ANKFN1: variants seen among roughly 807,000 people sequenced by gnomAD.
The protein encoded by ANKFN1 is ankyrin repeat and fibronectin type-III domain-containing protein 1.
Under a neutral mutation model 108.7 loss-of-function variants are expected in ANKFN1, and 74 were observed. That is an observed-to-expected ratio of 0.68 (90% confidence interval 0.56 to 0.83). The LOEUF (loss-of-function observed/expected upper bound fraction) is 0.83, where lower values mean the gene tolerates loss of function less well. Among genes scored for constraint, ANKFN1 ranks in the 40% least tolerant of loss-of-function variants. The probability of loss-of-function intolerance (pLI) is 0.00; values close to 1 mark genes in which losing one functional copy is unlikely to be tolerated. For synonymous variants in ANKFN1, 547 were observed against 516.2 expected (o/e 1.06, Z -0.81); for missense variants, 1,505 against 1,382.3 (o/e 1.09, Z -1.41).
intron 18 of ANKFN1, among the ~76,000 whole-genome samples, chr17:56,487,523 G>T (rs1316612573): frequency 6.7e-6 from 1 of 148,394 alleles, no homozygotes; most frequent in African/African-American, 2.5e-5. Context: ...GGACTAGAAA[G>T]ACAAAAAAAA....
chr17:56,286,271 C>G (rs2044214540), intron 3 of ANKFN1, among the ~76,000 whole-genome samples: 1 of 152,118 alleles, frequency 6.6e-6, no homozygotes, highest in South Asian at 2.1e-4. Flanking sequence ...TAGTGTTTCC[C>G]TACATTAGGT....
chr17:56,053,876 T>G (rs1235930312), intron 4 of ANKFN1, among the ~76,000 whole-genome samples: 1 of 152,130 alleles, frequency 6.6e-6, no homozygotes, highest in African/African-American at 2.4e-5. Context: ...TTTAAAAAAA[T>G]TATTTCAATC....
At position 56,466,450 on chromosome 17, in the gene ANKFN1, A is replaced by G; in HGVS notation, c.1652A>G (p.Glu551Gly). ...CTCATAGTCACCATCAGGGAGGTGG[A>G]GATGCTTTATTCATTTTTTAATGGC... ...NILIVTIREV[E>G]MLYSFFNGKW... Residue 551 changes from glutamate to glycine, a missense_variant, in exon 15 of 21, where the codon GAG (glutamate) becomes GGG (glycine). Physicochemically the swap from Glu to Gly is moderately conservative, Grantham distance 98. Coordinates refer to ENST00000682825, the MANE Select transcript of ANKFN1 (RefSeq NM_001370326.1). The G allele has an allele frequency of 1.2e-6, 2 of 1,614,174 alleles. No individual in the cohort carries two copies. The highest frequency in any genetic ancestry group is 1.7e-6 in the Non-Finnish European group (2 of 1,180,018).
intron 8 of ANKFN1, among the ~76,000 whole-genome samples, chr17:56,383,582 G>A (rs945870895): frequency 2.6e-5 from 4 of 152,204 alleles, no homozygotes; most frequent in African/African-American, 9.6e-5. Flanking sequence ...TAGACCACTA[G>A]CAAGACTAAT....
chr17:56,159,095 GGAAGAAGAAGTA>G (rs1909395734), intron 1 of ANKFN1, among the ~76,000 whole-genome samples: 1 of 150,948 alleles, frequency 6.6e-6, no homozygotes, highest in Non-Finnish European at 1.5e-5. Context: ...AGGAGGAGGA[GGAAGAAGAAGTA>G]GAAGAAGAGG....
rs75074040 is a variant in ANKFN1, at chr17:56,114,663, A to G, written c.288+68338A>G. ...CAAAAATAGCCATGTCTTAATCCCC[A>G]GAGCCTGTGAATTCACTGGGTCACA... On this transcript the variant is annotated intron_variant, in intron 4 of 12. Coordinates refer to the ANKFN1 transcript ENST00000635860. Among the ~76,000 whole-genome samples, 8 of 152,320 alleles carry G rather than the reference A, an allele frequency of 5.3e-5. No homozygotes were observed. In the East Asian group the frequency reaches 1.5e-3, roughly 29 times the overall value.
At chr17:56,200,331 A>G (rs1008132202) in intron 1 of ANKFN1, among the ~76,000 whole-genome samples, 1 of 152,228 alleles carries the variant, frequency 6.6e-6, no homozygotes, top group African/African-American at 2.4e-5. Flanking sequence ...AAATGGAATC[A>G]AGAGACCCAG....
chr17:56,409,382 A>G (rs1303540094), intron 8 of ANKFN1, among the ~76,000 whole-genome samples: 1 of 152,328 alleles, frequency 6.6e-6, no homozygotes, highest in East Asian at 1.9e-4. Flanking sequence ...TTCCTGCTAA[A>G]TGCAACCAAA....
intron 4 of ANKFN1, among the ~76,000 whole-genome samples, chr17:56,052,186 T>C (rs987876277): frequency 6.6e-6 from 1 of 152,184 alleles, no homozygotes; most frequent in Non-Finnish European, 1.5e-5. Flanking sequence ...AAGGCTACAG[T>C]AACCAAAACA....
intron 6 of ANKFN1, among the ~76,000 whole-genome samples, chr17:56,366,164 A>T (rs12150067): frequency 0.018 from 2,743 of 152,156 alleles, 31 homozygotes; most frequent in Middle Eastern, 0.041. Context: ...ACAGTTTAAA[A>T]TTTTTTTTAA....
chr17:56,344,571 T>C (rs1451470948), intron 4 of ANKFN1, among the ~76,000 whole-genome samples: 2 of 151,962 alleles, frequency 1.3e-5, no homozygotes, highest in African/African-American at 2.4e-5. Flanking sequence ...CTCAGGAAAA[T>C]GACAGAGCTT....
intron 8 of ANKFN1, among the ~76,000 whole-genome samples, chr17:56,417,213 A>G (rs1006889863): frequency 2.6e-5 from 4 of 152,138 alleles, no homozygotes; most frequent in African/African-American, 9.7e-5. Context: ...AATAACTAAG[A>G]GTATAATTGG....
chr17:56,069,750 T>A (rs1244269270), intron 4 of ANKFN1, among the ~76,000 whole-genome samples: 2 of 151,990 alleles, frequency 1.3e-5, no homozygotes, highest in African/African-American at 4.8e-5. Context: ...CAAGAAAAAA[T>A]TCAGGGCGAG....
chr17:56,433,739 G>T (rs933707738), intron 8 of ANKFN1, among the ~76,000 whole-genome samples: 2 of 151,960 alleles, frequency 1.3e-5, no homozygotes, highest in Admixed American at 1.3e-4. Context: ...TATACTGCCC[G>T]GGTGATGGGT....
intron 3 of ANKFN1, among the ~76,000 whole-genome samples, chr17:56,233,525 T>C (rs1916891919): frequency 6.6e-6 from 1 of 152,080 alleles, no homozygotes; most frequent in Admixed American, 6.6e-5. Flanking sequence ...GTCTGTGCTT[T>C]ATAAAAACAA....
chr17:56,094,812 G>A lies in ANKFN1; in HGVS notation c.288+48487G>A, dbSNP rs116728557. Among the ~76,000 whole-genome samples the A allele has an allele frequency of 3.9e-3, 587 of 150,288 alleles. 28 individuals carry two copies. Among genetic ancestry groups the A allele is most frequent in the Middle Eastern group, 0.021 (6 of 292 alleles). The stretch of plus-strand genomic sequence containing the variant: ...CGGGATTACAGGCATGAGCCATAGC[G>A]CCCAGCCTGTTTCTTCTATTAAATG... On this transcript the variant is annotated intron_variant, in intron 4 of 12. Coordinates refer to the ANKFN1 transcript ENST00000635860.
chr17:56,046,242 A>AAGC (rs1904675762), exon 4 of ANKFN1: 2 of 160,392 alleles, frequency 1.2e-5, no homozygotes, highest in Middle Eastern at 1.6e-3. Context: ...GCAACAGGAA[A>AAGC]AGCAGCAGCA....
intron 4 of ANKFN1, among the ~76,000 whole-genome samples, chr17:56,070,196 C>T (rs575137209): frequency 6.6e-6 from 1 of 152,314 alleles, no homozygotes; most frequent in Admixed American, 6.5e-5. Flanking sequence ...TTACCTCACC[C>T]CTACTCAACA....
chr17:56,245,165 T>C (rs533212479), intron 3 of ANKFN1, among the ~76,000 whole-genome samples: 1 of 152,314 alleles, frequency 6.6e-6, no homozygotes, highest in Non-Finnish European at 1.5e-5. Flanking sequence ...AGCTAAATCA[T>C]GTGAGAAATG....
Sources: allele counts gnomAD v4.1 joint callset (sites outside exome capture counted in the v4.1 genomes callset), GRCh38; gene constraint gnomAD v4.1.1; transcripts MANE v1.5; gene names NCBI Gene and HGNC (gene_info 2026-07-23, HGNC 2026-07-21).